TMEM65: variants seen among roughly 807,000 people sequenced by gnomAD.
TMEM65 encodes the protein transmembrane protein 65.
A neutral mutation model predicts 25.4 loss-of-function variants in TMEM65; 22 were observed. The observed-to-expected ratio is 0.86, with a 90% CI of 0.62 to 1.23. TMEM65 has a LOEUF of 1.23. Ranked by LOEUF, TMEM65 falls within the 50% of genes most tolerant of loss-of-function variation. TMEM65 has a pLI of 0.00. For synonymous variants in TMEM65, 132 were observed against 126.2 expected (o/e 1.05, Z -0.31); for missense variants, 262 against 308.2 (o/e 0.85, Z 1.12).
rs567634259 is a variant in TMEM65, at chr8:124,311,804, A to G, written c.*2156T>C. ...AAATGGTCTCCATTTTTTGAAAATT[A>G]CCTGAATGATTCAAATTTTTATTAT... On this transcript the variant is annotated 3_prime_UTR_variant, in exon 7 of 7. Transcript: ENST00000297632. 5.9e-5 allele frequency: 9 copies of G among 152,302 alleles called. No homozygotes were observed. The East Asian group carries it at 1.7e-3, about 29-fold the overall frequency. 9.4% of individuals were successfully genotyped at this position (152,302 alleles called of 1,614,324 possible).
Position 124,372,228 on chromosome 8 carries a change from G to A in TMEM65, c.-71C>T, listed in dbSNP as rs1815028933. The A allele has an allele frequency of 1.7e-6, 2 of 1,209,844 alleles. No homozygotes were observed. Among genetic ancestry groups the A allele is most frequent in the South Asian group, 1.7e-5 (1 of 59,096 alleles). 74.9% of individuals were successfully genotyped at this position (1,209,844 alleles called of 1,614,324 possible). A position where few individuals can be genotyped will look rare whatever the true frequency, so the allele number is the denominator to read the frequency against. On this transcript the variant is annotated 5_prime_UTR_variant, in exon 1 of 7. Coordinates refer to ENST00000297632, the MANE Select transcript of TMEM65 (RefSeq NM_194291.3). ...TTTCTGGCGCGGCTGAGGCGAGAAG[G>A]AGCTGGGCTCAGCTCGACCCCGCCC...
intron 6 of TMEM65, among the ~76,000 whole-genome samples, chr8:124,314,285 C>T (rs1055245109): frequency 2.6e-5 from 4 of 152,298 alleles, no homozygotes; most frequent in African/African-American, 7.2e-5. Flanking sequence ...CATAGCCACA[C>T]ATTTTCTCAC....
chr8:124,358,259 C>T (rs898301193), intron 1 of TMEM65, among the ~76,000 whole-genome samples: 1 of 152,148 alleles, frequency 6.6e-6, no homozygotes, highest in Admixed American at 6.5e-5. Flanking sequence ...ACAAAATAAT[C>T]ACATAAAAAC....
At chr8:124,345,124 T>C (rs974825704) in intron 1 of TMEM65, among the ~76,000 whole-genome samples, 1 of 152,226 alleles carries the variant, frequency 6.6e-6, no homozygotes, top group African/African-American at 2.4e-5. Context: ...TCAAAGTATA[T>C]TCTTGTAACA....
chr8:124,338,000 A>T (rs1814532820), intron 1 of TMEM65, among the ~76,000 whole-genome samples: 1 of 151,974 alleles, frequency 6.6e-6, no homozygotes, highest in African/African-American at 2.4e-5. Flanking sequence ...TTCATTATAA[A>T]GATTATATAA....
At chr8:124,314,402 C>T (rs1185025582) in intron 6 of TMEM65, among the ~76,000 whole-genome samples, 5 of 152,198 alleles carry the variant, frequency 3.3e-5, no homozygotes, top group Non-Finnish European at 2.9e-5. Context: ...GCCACTGCTA[C>T]TTCTTCAACA....
intron 1 of TMEM65, among the ~76,000 whole-genome samples, chr8:124,333,255 A>C (rs559532435): frequency 6.6e-6 from 1 of 152,222 alleles, no homozygotes; most frequent in Non-Finnish European, 1.5e-5. Flanking sequence ...TGGGTTTTAA[A>C]ATGTAATTAC....
In TMEM65 at chr8:124,313,749, C is replaced by A; in HGVS notation, c.*211G>T. 2.1e-6 allele frequency: 1 copy of A among 483,328 alleles called. No individual in the cohort carries two copies. Among genetic ancestry groups the A allele is most frequent in the South Asian group, 3.2e-5 (1 of 31,590 alleles). The allele number at this position is 483,328 out of a possible 1,614,324, so 29.9% of individuals were successfully genotyped here. ...GACTGCTATTGATGAAAAAGCATTT[C>A]AACAATATACACAAAATGATACTAA... On this transcript the variant is annotated 3_prime_UTR_variant, in exon 7 of 7. Transcript: ENST00000297632.
At chr8:124,362,165 T>C (rs1223919240) in intron 1 of TMEM65, among the ~76,000 whole-genome samples, 1 of 152,068 alleles carries the variant, frequency 6.6e-6, no homozygotes, top group African/African-American at 2.4e-5. Flanking sequence ...GTGCTGGGAT[T>C]ACAGGCATGA....
chr8:124,338,902 T>C (rs565012969), intron 1 of TMEM65, among the ~76,000 whole-genome samples: 4 of 152,044 alleles, frequency 2.6e-5, no homozygotes, highest in East Asian at 3.9e-4. Flanking sequence ...CTTAAGAATA[T>C]ATTCTTGGCC....
intron 1 of TMEM65, among the ~76,000 whole-genome samples, chr8:124,336,212 C>T (rs969491622): frequency 6.6e-6 from 1 of 151,892 alleles, no homozygotes; most frequent in African/African-American, 2.4e-5. Flanking sequence ...TCATAATGCA[C>T]GATGCTGAAT....
intron 6 of TMEM65, 34 bp downstream of exon 6, chr8:124,320,052 C>T: frequency 6.5e-7 from 1 of 1,542,806 alleles, no homozygotes. Flanking sequence ...TCTGGCTACC[C>T]AACTCATTAT....
intron 1 of TMEM65, among the ~76,000 whole-genome samples, chr8:124,349,238 A>G (rs1384587960): frequency 6.6e-6 from 1 of 152,234 alleles, no homozygotes; most frequent in Non-Finnish European, 1.5e-5. Context: ...ATTCATTAGT[A>G]TTTGAAATTG....
chr8:124,361,771 G>A (rs964422386), intron 1 of TMEM65, among the ~76,000 whole-genome samples: 2 of 152,006 alleles, frequency 1.3e-5, no homozygotes, highest in Non-Finnish European at 2.9e-5. Flanking sequence ...GGGAGGCAGA[G>A]GTTGCAGTGA....
At chr8:124,353,387 T>C (rs1814737478) in intron 1 of TMEM65, among the ~76,000 whole-genome samples, 1 of 152,088 alleles carries the variant, frequency 6.6e-6, no homozygotes, top group Non-Finnish European at 1.5e-5. Context: ...AACTAGAACA[T>C]GCCCTGTGTT....
intron 1 of TMEM65, among the ~76,000 whole-genome samples, chr8:124,332,329 C>T (rs1325462152): frequency 6.6e-6 from 1 of 152,088 alleles, no homozygotes; most frequent in African/African-American, 2.4e-5. Flanking sequence ...GTGAGAAGTC[C>T]TTGTCAGTTG....
intron 1 of TMEM65, 43 bp downstream of exon 1, chr8:124,371,811 G>T: frequency 6.7e-7 from 1 of 1,483,278 alleles, no homozygotes; most frequent in South Asian, 1.2e-5. Context: ...AGAAGAGGAG[G>T]GCGTCGGGGC....
At chr8:124,325,016 A>G (rs1814349917) in intron 3 of TMEM65, among the ~76,000 whole-genome samples, 1 of 152,046 alleles carries the variant, frequency 6.6e-6, no homozygotes, top group Admixed American at 6.6e-5. Context: ...ATCCAATAAT[A>G]TAAAAATATT....
At chr8:124,323,401 T>A in intron 3 of TMEM65, 26 bp from the exon 4 acceptor site, 1 of 1,319,396 alleles carries the variant, frequency 7.6e-7, no homozygotes, top group Non-Finnish European at 1.1e-6. Flanking sequence ...AAATTAATCT[T>A]AAAAATTAAA....
Sources: allele counts gnomAD v4.1 joint callset (sites outside exome capture counted in the v4.1 genomes callset), GRCh38; gene constraint gnomAD v4.1.1; transcripts MANE v1.5; gene names NCBI Gene and HGNC (gene_info 2026-07-23, HGNC 2026-07-21).